ARHGAP6: variants seen among roughly 807,000 people sequenced by gnomAD.
ARHGAP6 encodes rho GTPase-activating protein 6.
In ARHGAP6, 16 loss-of-function variants were observed where a neutral mutation model predicts 55.7. The observed-to-expected ratio is 0.29, with a 90% CI of 0.19 to 0.44. ARHGAP6 has a LOEUF of 0.44. Among genes scored for constraint, ARHGAP6 ranks in the 20% least tolerant of loss-of-function variants. The pLI, the probability that ARHGAP6 is intolerant of heterozygous loss-of-function variation, is 1.00. For synonymous variants in ARHGAP6, 382 were observed against 360.9 expected (o/e 1.06, Z -0.66); for missense variants, 698 against 808.9 (o/e 0.86, Z 1.66).
chrX:11,379,500 G>T (rs930929986), intron 1 of ARHGAP6, among the ~76,000 whole-genome samples: 1 of 112,023 alleles, frequency 8.9e-6, no homozygotes, highest in African/African-American at 3.2e-5. Flanking sequence ...GACAATGAGG[G>T]ATCTACAAAC....
At chrX:11,516,132 T>C (rs753825042) in intron 1 of ARHGAP6, among the ~76,000 whole-genome samples, 33 of 112,882 alleles carry the variant, frequency 2.9e-4, no homozygotes, top group African/African-American at 1.1e-3. Context: ...ACTTATTATA[T>C]CTCTGATCTA....
chrX:11,214,835 T>A (rs1203734558), intron 2 of ARHGAP6, among the ~76,000 whole-genome samples: 1 of 113,267 alleles, frequency 8.8e-6, no homozygotes, highest in Admixed American at 9.2e-5. Context: ...CGTCTGCAGG[T>A]CCACTGAGGG....
chrX:11,254,436 G>A, intron 2 of ARHGAP6, 112 bp downstream of exon 2: 1 of 996,329 alleles, frequency 1.0e-6, no homozygotes. Flanking sequence ...AGAAGCTGTA[G>A]TTTCCTTCCT....
chrX:11,370,201 C>T (rs1009237526), intron 1 of ARHGAP6, among the ~76,000 whole-genome samples: 1 of 112,313 alleles, frequency 8.9e-6, no homozygotes, highest in Admixed American at 9.4e-5. Flanking sequence ...TTGTTTTAAA[C>T]TTTGCCTTCT....
intron 1 of ARHGAP6, among the ~76,000 whole-genome samples, chrX:11,310,154 C>T (rs150213040): frequency 0.011 from 438 of 40,497 alleles, 2 homozygotes; most frequent in African/African-American, 0.046. Context: ...GAGTGAGACT[C>T]TATCTCAAAA....
At chrX:11,502,952 G>C (rs920831823) in intron 1 of ARHGAP6, among the ~76,000 whole-genome samples, 4 of 110,631 alleles carry the variant, frequency 3.6e-5, no homozygotes, top group Middle Eastern at 4.7e-3. Flanking sequence ...CTGGAGTGCA[G>C]TGACGCAGTC....
chrX:11,298,102 G>C, intron 1 of ARHGAP6: 1 of 1,211,281 alleles, frequency 8.3e-7, no homozygotes, highest in Non-Finnish European at 1.1e-6. Context: ...TTCTTTTGTA[G>C]AACTCACATT....
intron 1 of ARHGAP6, among the ~76,000 whole-genome samples, chrX:11,362,650 T>TATAATA (rs111272294): frequency 1.8e-3 from 193 of 108,213 alleles, no homozygotes; most frequent in Non-Finnish European, 2.6e-3. Flanking sequence ...AAACTTAAAG[T>TATAATA]ATAATAATAA....
intron 1 of ARHGAP6, among the ~76,000 whole-genome samples, chrX:11,305,902 G>A (rs1352193707): frequency 8.9e-6 from 1 of 112,112 alleles, no homozygotes; most frequent in South Asian, 3.7e-4. Context: ...TGTAAGGAGA[G>A]AAGATGATTA....
intron 1 of ARHGAP6, among the ~76,000 whole-genome samples, chrX:11,506,855 G>T (rs746875489): frequency 9.8e-5 from 11 of 111,711 alleles, no homozygotes; most frequent in African/African-American, 3.3e-4. Flanking sequence ...CAGTCCCACC[G>T]ACAGTGTGAA....
intron 1 of ARHGAP6, among the ~76,000 whole-genome samples, chrX:11,509,457 C>T (rs774854611): frequency 9.0e-6 from 1 of 111,046 alleles, no homozygotes; most frequent in Admixed American, 9.6e-5. Flanking sequence ...TTTTGTGGAA[C>T]CTCAGAATCA....
In ARHGAP6 at chrX:11,144,350, G is replaced by A. The variant is rs1458934669; in HGVS notation, c.1908-102C>T. 4 of 1,064,295 alleles carry A rather than the reference G, an allele frequency of 3.8e-6. No individual in the cohort carries two copies. In the East Asian group the frequency reaches 1.2e-4, roughly 32 times the overall value. The allele number at this position is 1,064,295 out of a possible 1,213,427, so 87.7% of individuals were successfully genotyped here. A position where few individuals can be genotyped will look rare whatever the true frequency, so the allele number is the denominator to read the frequency against. On this transcript the variant is annotated intron_variant, in intron 10 of 12. Coordinates refer to ENST00000337414, the MANE Select transcript of ARHGAP6 (RefSeq NM_013427.3). ...ACAAATGACTGGAGGAGTATGCGTGGACACGGGCTGAAACAAAAAGACCAT... is the reference window on the plus strand; with the variant it reads ...ACAAATGACTGGAGGAGTATGCGTGAACACGGGCTGAAACAAAAAGACCAT...
At chrX:11,192,296 C>G (rs2046471284) in intron 3 of ARHGAP6, among the ~76,000 whole-genome samples, 1 of 111,743 alleles carries the variant, frequency 8.9e-6, no homozygotes, top group South Asian at 3.8e-4. Flanking sequence ...ATGTCACTTT[C>G]ACATTATCTC....
intron 1 of ARHGAP6, among the ~76,000 whole-genome samples, chrX:11,305,082 G>A (rs1004731461): frequency 9.0e-6 from 1 of 110,849 alleles, no homozygotes; most frequent in Non-Finnish European, 1.9e-5. Flanking sequence ...CACTGCACCC[G>A]GCCTTTACCA....
Position 11,138,927 on chromosome X carries a change from C to CT in ARHGAP6, c.2860_2861insA (p.Arg954GlnfsTer80). ...CGACAGGAGCTCCCAGATCTGCCAG[C>CT]GCTCTCTCTGCCAGTCGAGCCAGCC... On this transcript the variant is annotated frameshift_variant, in exon 13 of 13. Coordinates refer to ENST00000337414, the MANE Select transcript of ARHGAP6 (RefSeq NM_013427.3). LOFTEE classifies it high-confidence loss of function. 8.4e-7 allele frequency: 1 copy of CT among 1,188,883 alleles called. No individual in the cohort carries two copies. The highest frequency in any genetic ancestry group is 1.1e-6 in the Non-Finnish European group (1 of 887,757).
At chrX:11,590,873 A>AAGAAAGAAG (rs1569411008) in intron 1 of ARHGAP6, among the ~76,000 whole-genome samples, 2 of 52,633 alleles carry the variant, frequency 3.8e-5, no homozygotes, top group African/African-American at 1.5e-4. Flanking sequence ...AAAGAAGGAA[A>AAGAAAGAAG]GAAAGAAAGA....
intron 1 of ARHGAP6, among the ~76,000 whole-genome samples, chrX:11,514,414 C>T (rs1470356267): frequency 1.8e-5 from 2 of 110,093 alleles, no homozygotes; most frequent in Non-Finnish European, 1.9e-5. Context: ...AATTCATTGT[C>T]GTGGGGGAAT....
chrX:11,150,595 T>C (rs2045761400), intron 10 of ARHGAP6, among the ~76,000 whole-genome samples: 1 of 112,327 alleles, frequency 8.9e-6, no homozygotes, highest in Non-Finnish European at 1.9e-5. Flanking sequence ...TATTTAAGAT[T>C]GTCACTTGGT....
chrX:11,400,927 T>C (rs1440850072), intron 1 of ARHGAP6, among the ~76,000 whole-genome samples: 2 of 112,422 alleles, frequency 1.8e-5, no homozygotes, highest in African/African-American at 6.5e-5. Flanking sequence ...AGTTTACTAT[T>C]AAATATTAGA....
Sources: gnomAD v4.1 joint callset for allele counts (sites outside exome capture counted in the v4.1 genomes callset) on GRCh38, gnomAD v4.1.1 for gene constraint, MANE v1.5 for transcripts, NCBI Gene and HGNC (gene_info 2026-07-23, HGNC 2026-07-21) for gene names.